The following SAMD12 variants were observed in gnomAD, a reference collection of about 807,000 sequenced individuals.
SAMD12 encodes sterile alpha motif domain-containing protein 12.
SAMD12 carries 9 observed loss-of-function variants against 15.0 expected under a neutral mutation model. That is an observed-to-expected ratio of 0.60 (90% CI 0.36 to 1.05). The LOEUF (loss-of-function observed/expected upper bound fraction) is 1.05. Ranked by LOEUF, SAMD12 falls within the 50% of genes least tolerant of loss-of-function variation. The probability of loss-of-function intolerance (pLI) is 0.01; values close to 1 mark genes in which losing one functional copy is unlikely to be tolerated. For missense variants in SAMD12, 230 were observed against 234.2 expected (o/e 0.98, Z 0.12); for synonymous variants, 86 against 90.1 (o/e 0.96, Z 0.25).
intron 1 of SAMD12, among the ~76,000 whole-genome samples, chr8:118,584,131 C>A (rs1234638147): frequency 6.6e-6 from 1 of 152,212 alleles, no homozygotes; most frequent in East Asian, 1.9e-4. Flanking sequence ...ACTTTCCACA[C>A]ACGTAGGCTT....
intron 4 of SAMD12, among the ~76,000 whole-genome samples, chr8:118,244,369 A>AAGAC (rs1429751099): frequency 1.3e-5 from 2 of 152,112 alleles, no homozygotes; most frequent in Non-Finnish European, 2.9e-5. Context: ...TGGGTGGCTA[A>AAGAC]AGACCATTGT....
At chr8:118,163,193 T>C in the SAMD12 span, among the ~76,000 whole-genome samples, 1 of 152,144 alleles carries the variant, frequency 6.6e-6, no homozygotes, top group East Asian at 1.9e-4. Flanking sequence ...CAGCTCACTG[T>C]AGCCTTGACC....
the SAMD12 span, among the ~76,000 whole-genome samples, chr8:118,134,270 C>T: frequency 4.6e-5 from 7 of 152,228 alleles, no homozygotes; most frequent in Non-Finnish European, 8.8e-5. Flanking sequence ...GAAAGCAAGA[C>T]CATTCTAGCT....
At chr8:118,440,657 A>AAAAC (rs1427448676) in intron 2 of SAMD12, among the ~76,000 whole-genome samples, 123 of 142,210 alleles carry the variant, frequency 8.6e-4, no homozygotes, top group African/African-American at 2.9e-3. Context: ...TTATGAGGAA[A>AAAAC]ACACACACAC....
intron 3 of SAMD12, among the ~76,000 whole-genome samples, chr8:118,410,142 G>C (rs779755575): frequency 6.6e-6 from 1 of 152,140 alleles, no homozygotes; most frequent in Non-Finnish European, 1.5e-5. Flanking sequence ...TATTGATAAA[G>C]AGTATATCTA....
intron 2 of SAMD12, among the ~76,000 whole-genome samples, chr8:118,523,971 T>G (rs1029083830): frequency 4.6e-5 from 7 of 152,186 alleles, no homozygotes; most frequent in African/African-American, 1.7e-4. Context: ...GTTCACTCTT[T>G]CCGCGTGTCC....
intron 3 of SAMD12, among the ~76,000 whole-genome samples, chr8:118,434,116 GAT>G (rs1453680473): frequency 6.6e-6 from 1 of 152,142 alleles, no homozygotes; most frequent in African/African-American, 2.4e-5. Context: ...GTCCTAAAAA[GAT>G]AGTGATTTTC....
In SAMD12 at chr8:118,196,445, A is replaced by T. The variant is rs560104401; in HGVS notation, c.*1265T>A. 6 of 152,280 alleles carry T rather than the reference A, an allele frequency of 3.9e-5. No individual in the cohort carries two copies. The South Asian group carries it at 1.2e-3, about 32-fold the overall frequency. The allele number at this position is 152,280 out of a possible 1,614,324, so 9.4% of individuals were successfully genotyped here. On this transcript the variant is annotated 3_prime_UTR_variant, in exon 5 of 5. Coordinates refer to the SAMD12 transcript ENST00000409003. ...GAACATGTCTCTAATGCTCAAAGAC[A>T]AGCAATAATTAAGTTGACTGGTTTC...
intron 2 of SAMD12, among the ~76,000 whole-genome samples, chr8:118,540,766 T>C (rs1250620136): frequency 6.6e-6 from 1 of 152,136 alleles, no homozygotes; most frequent in Non-Finnish European, 1.5e-5. Flanking sequence ...AGCTGGAATA[T>C]ATGCAAAGAT....
chr8:118,245,904 C>G lies in SAMD12; in HGVS notation c.434-48172G>C, dbSNP rs368151612. ...TAACCTAGTCTAAGACAAATGGAAA[C>G]CCATTTTAGGCAGAAGGATTCATTT... On this transcript the variant is annotated intron_variant, in intron 4 of 4. Transcript: ENST00000409003. 2.7e-3 allele frequency among the ~76,000 whole-genome samples: 412 copies of G among 152,126 alleles called. 3 individuals carry two copies. The highest frequency in any genetic ancestry group is 9.3e-3 in the African/African-American group (387 of 41,516).
rs17454924 is a variant in SAMD12 at position 118,221,327 on chromosome 8, C to T, written c.434-23595G>A. Among the ~76,000 whole-genome samples the T allele has an allele frequency of 1.0e-3, 158 of 152,118 alleles. 1 individual carries two copies. Among genetic ancestry groups the T allele is most frequent in the Non-Finnish European group, 1.9e-3 (130 of 67,996 alleles). ...GTAGTGTGGAAAACGTGTTGGAAAC[C>T]GTGAGGAATAATTAATCACATCCAG... On this transcript the variant is annotated intron_variant, in intron 4 of 4. Transcript: ENST00000409003.
At chr8:118,602,796 C>CA (rs911493416) in intron 1 of SAMD12, among the ~76,000 whole-genome samples, 1 of 151,774 alleles carries the variant, frequency 6.6e-6, no homozygotes, top group African/African-American at 2.4e-5. Flanking sequence ...AAGTGGGCCA[C>CA]AAAAAATATG....
Position 118,444,380 on chromosome 8 carries a change from T to TTGG in SAMD12, c.193-4420_193-4419insCCA, listed in dbSNP as rs1822845505. ...CTATGCATAGTGACACCAAGCAGAA[T>TTGG]TCCAGACATTTCCTTTCTGAATTGG... On this transcript the variant is annotated intron_variant, in intron 2 of 3. Coordinates refer to ENST00000314727, the MANE Select transcript of SAMD12 (RefSeq NM_207506.3). 2.0e-5 allele frequency among the ~76,000 whole-genome samples: 3 copies of TTGG among 152,280 alleles called. No homozygotes were observed. In the South Asian group the frequency reaches 6.2e-4, roughly 32 times the overall value.
intron 4 of SAMD12, chr8:118,291,279 T>C (rs538933764): frequency 1.3e-5 from 2 of 151,812 alleles, no homozygotes; most frequent in Non-Finnish European, 2.9e-5. Context: ...GGAAAGAGAG[T>C]CCCCATCCAG....
At chr8:118,545,621 T>C (rs1161740636) in intron 2 of SAMD12, among the ~76,000 whole-genome samples, 3 of 152,148 alleles carry the variant, frequency 2.0e-5, no homozygotes, top group Non-Finnish European at 2.9e-5. Flanking sequence ...GAGAAAGAGA[T>C]AACATACTTC....
chr8:118,533,828 A>T (rs1487392365), intron 2 of SAMD12, among the ~76,000 whole-genome samples: 3 of 150,526 alleles, frequency 2.0e-5, no homozygotes, highest in Non-Finnish European at 4.4e-5. Flanking sequence ...TTTTGAGCCT[A>T]TGCGTGTCTC....
At chr8:118,396,836 AT>A (rs904104285) in intron 3 of SAMD12, among the ~76,000 whole-genome samples, 2 of 152,184 alleles carry the variant, frequency 1.3e-5, no homozygotes, top group African/African-American at 4.8e-5. Flanking sequence ...CCCATAGTTT[AT>A]GGTGGTTTCT....
chr8:118,184,188 G>T, the SAMD12 span, among the ~76,000 whole-genome samples: 4,852 of 152,108 alleles, frequency 0.032, 107 homozygotes, highest in South Asian at 0.078. Context: ...ATATAAAACC[G>T]TTAAAAAAGG....
chr8:118,537,372 CCTCT>C (rs150157624), intron 2 of SAMD12, among the ~76,000 whole-genome samples: 2,895 of 152,038 alleles, frequency 0.019, 78 homozygotes, highest in African/African-American at 0.062. Context: ...TTTCTATCCC[CCTCT>C]CTCTCTATCT....
Sources: gnomAD v4.1 joint callset for allele counts (sites outside exome capture counted in the v4.1 genomes callset) on GRCh38, gnomAD v4.1.1 for gene constraint, MANE v1.5 for transcripts, NCBI Gene and HGNC (gene_info 2026-07-23, HGNC 2026-07-21) for gene names.